The following ATRNL1 variants were observed in gnomAD, a reference collection of about 807,000 sequenced individuals.
ATRNL1 encodes attractin like 1, also known as attractin-like protein 1.
In ATRNL1, 95 loss-of-function variants were observed where a neutral mutation model predicts 182.7. The observed-to-expected ratio is 0.52, with a 90% CI of 0.44 to 0.62. The LOEUF (loss-of-function observed/expected upper bound fraction) is 0.62, where lower values mean the gene tolerates loss of function less well. Among genes scored for constraint, ATRNL1 ranks in the 20% least tolerant of loss-of-function variants. ATRNL1 has a pLI of 0.00. For synonymous variants in ATRNL1, 576 were observed against 568.3 expected (o/e 1.01, Z -0.19); for missense variants, 1,471 against 1,679.5 (o/e 0.88, Z 2.17).
At chr10:115,804,778 C>A (rs1294762391) in intron 27 of ATRNL1, among the ~76,000 whole-genome samples, 2 of 152,016 alleles carry the variant, frequency 1.3e-5, no homozygotes, top group African/African-American at 4.8e-5. Flanking sequence ...TATACCTCTC[C>A]CAAGTAGGAA....
At chr10:115,696,600 A>G (rs1946566755) in intron 26 of ATRNL1, among the ~76,000 whole-genome samples, 2 of 152,158 alleles carry the variant, frequency 1.3e-5, no homozygotes, top group East Asian at 1.9e-4. Context: ...GTCTTCCACA[A>G]TGGTTGAACT....
chr10:115,795,698 G>A (rs1455965273), intron 27 of ATRNL1, among the ~76,000 whole-genome samples: 1 of 152,070 alleles, frequency 6.6e-6, no homozygotes, highest in East Asian at 1.9e-4. Flanking sequence ...AGCAAAAGAG[G>A]AGGTGCTAAA....
At chr10:115,168,070 A>C (rs1273693563) in intron 7 of ATRNL1, among the ~76,000 whole-genome samples, 1 of 152,170 alleles carries the variant, frequency 6.6e-6, no homozygotes, top group Non-Finnish European at 1.5e-5. Flanking sequence ...ATTTCATATA[A>C]ATGAAGTCAT....
chr10:115,133,158 A>T (rs1317835010), intron 5 of ATRNL1, among the ~76,000 whole-genome samples: 1 of 152,202 alleles, frequency 6.6e-6, no homozygotes, highest in African/African-American at 2.4e-5. Context: ...ATGGCTAGCC[A>T]GTTTTCCCAG....
In ATRNL1 at chr10:115,681,507, A is replaced by G. The variant is rs376188010; in HGVS notation, c.3796-45741A>G. ...GTAGCAGGACTGGTATTCAAACCCA[A>G]GCAGTCTGACTCCAGAAGACCACAT... is the stretch of plus-strand genomic sequence containing the variant. On this transcript the variant is annotated intron_variant, in intron 26 of 28. Transcript: ENST00000355044. Among the ~76,000 whole-genome samples, 3 of 152,252 alleles carry G rather than the reference A, an allele frequency of 2.0e-5. No homozygotes were observed. The East Asian group carries it at 5.8e-4, about 29-fold the overall frequency.
At chr10:115,277,514 T>C (rs1554915218) in intron 13 of ATRNL1, among the ~76,000 whole-genome samples, 2 of 152,108 alleles carry the variant, frequency 1.3e-5, no homozygotes, top group African/African-American at 2.4e-5. Context: ...CTTAACTTTA[T>C]TGAGTGAAAA....
chr10:115,230,840 A>G (rs1554899759), intron 9 of ATRNL1, among the ~76,000 whole-genome samples: 2 of 149,710 alleles, frequency 1.3e-5, no homozygotes, highest in African/African-American at 4.9e-5. Flanking sequence ...ACAAGAATTG[A>G]AAAAACTAGG....
intron 9 of ATRNL1, among the ~76,000 whole-genome samples, chr10:115,238,517 A>G (rs1850277405): frequency 6.6e-6 from 1 of 151,554 alleles, no homozygotes; most frequent in Non-Finnish European, 1.5e-5. Context: ...TGTAAATGGT[A>G]TTGTGTTTTT....
At chr10:115,505,092 T>C (rs538202577) in intron 24 of ATRNL1, among the ~76,000 whole-genome samples, 37 of 152,222 alleles carry the variant, frequency 2.4e-4, no homozygotes, top group Admixed American at 4.6e-4. Flanking sequence ...CTGGTGGTGC[T>C]AGAGGGAGAT....
intron 25 of ATRNL1, among the ~76,000 whole-genome samples, chr10:115,546,406 T>G (rs565629234): frequency 4.7e-4 from 71 of 151,724 alleles, no homozygotes; most frequent in African/African-American, 1.6e-3. Flanking sequence ...CTACTAAAAA[T>G]ACAAAACAAA....
chr10:115,265,794 G>A (rs1296981197), intron 11 of ATRNL1, among the ~76,000 whole-genome samples: 2 of 151,736 alleles, frequency 1.3e-5, no homozygotes, highest in Non-Finnish European at 3.0e-5. Context: ...CCCCATTTAA[G>A]TTAATATAAT....
At chr10:115,472,315 T>G (rs1462535694) in intron 24 of ATRNL1, among the ~76,000 whole-genome samples, 2 of 151,156 alleles carry the variant, frequency 1.3e-5, no homozygotes, top group Non-Finnish European at 3.0e-5. Flanking sequence ...TAAAATTTCT[T>G]TGACTATTTG....
Position 115,193,501 on chromosome 10 carries a change from G to A in ATRNL1, c.1349-22196G>A, listed in dbSNP as rs115722604. Among the ~76,000 whole-genome samples the A allele has an allele frequency of 6.1e-3, 933 of 151,830 alleles. 7 individuals are homozygous for A. Among genetic ancestry groups the A allele is most frequent in the African/African-American group, 0.02 (837 of 41,476 alleles). On this transcript the variant is annotated intron_variant, in intron 8 of 28. Coordinates refer to ENST00000355044, the MANE Select transcript of ATRNL1 (RefSeq NM_207303.4). Reference sequence around the variant, plus strand: ...GTTTCTTCTGTTTTACAGTGTATTGGCACTTTGTCTCCTAATAGTCTCTAA... The same window carrying A: ...GTTTCTTCTGTTTTACAGTGTATTGACACTTTGTCTCCTAATAGTCTCTAA...
At chr10:115,246,073 T>C (rs1850625030) in intron 10 of ATRNL1, among the ~76,000 whole-genome samples, 1 of 152,172 alleles carries the variant, frequency 6.6e-6, no homozygotes, top group Non-Finnish European at 1.5e-5. Context: ...ACCTTTTATT[T>C]TGAGGAAAGG....
At chr10:115,932,206 G>C (rs902933644) in intron 28 of ATRNL1, among the ~76,000 whole-genome samples, 4 of 152,186 alleles carry the variant, frequency 2.6e-5, no homozygotes, top group Non-Finnish European at 5.9e-5. Flanking sequence ...TCCTCTGTTA[G>C]ATTAAAGGAG....
At chr10:115,237,994 G>A (rs1342677982) in intron 9 of ATRNL1, among the ~76,000 whole-genome samples, 2 of 152,136 alleles carry the variant, frequency 1.3e-5, no homozygotes, top group African/African-American at 4.8e-5. Context: ...CCAATAGACA[G>A]TCCTTTCATT....
intron 13 of ATRNL1, among the ~76,000 whole-genome samples, chr10:115,274,022 A>G (rs1851990980): frequency 6.6e-6 from 1 of 152,208 alleles, no homozygotes; most frequent in South Asian, 2.1e-4. Context: ...GCCCAGTAGC[A>G]GACTAAGAGC....
chr10:115,789,658 A>G (rs546620746), intron 27 of ATRNL1, among the ~76,000 whole-genome samples: 7 of 152,140 alleles, frequency 4.6e-5, no homozygotes, highest in Non-Finnish European at 7.4e-5. Context: ...ATTTTTTCCT[A>G]TTTTAAAATT....
chr10:115,497,251 C>T (rs1357337883), intron 24 of ATRNL1, among the ~76,000 whole-genome samples: 3 of 152,084 alleles, frequency 2.0e-5, no homozygotes, highest in Non-Finnish European at 4.4e-5. Context: ...TTTTATCTAT[C>T]GGCTCCTGCA....
Sources: gnomAD v4.1 joint callset for allele counts (sites outside exome capture counted in the v4.1 genomes callset) on GRCh38, gnomAD v4.1.1 for gene constraint, MANE v1.5 for transcripts, NCBI Gene and HGNC (gene_info 2026-07-23, HGNC 2026-07-21) for gene names.